The following PTPRT variants were observed in gnomAD, a reference collection of about 807,000 sequenced individuals.
PTPRT encodes protein tyrosine phosphatase receptor type T.
In PTPRT, 56 loss-of-function variants were observed where a neutral mutation model predicts 176.8. That is an observed-to-expected ratio of 0.32 (90% confidence interval 0.26 to 0.40). The LOEUF (loss-of-function observed/expected upper bound fraction) is 0.40. PTPRT is among the 10% of genes least tolerant of loss of function. The pLI is 1.00. For synonymous variants in PTPRT, 783 were observed against 739.0 expected (o/e 1.06, Z -0.96); for missense variants, 1,540 against 1,908.2 (o/e 0.81, Z 3.60).
At chr20:42,706,015 G>A (rs78033626) in intron 6 of PTPRT, among the ~76,000 whole-genome samples, 12,607 of 152,004 alleles carry the variant, frequency 0.083, 585 homozygotes, top group South Asian at 0.16. Context: ...TGGAGATTAG[G>A]GGGTGGGGAA....
chr20:42,355,850 C>T (rs1053105593), intron 9 of PTPRT, among the ~76,000 whole-genome samples: 9 of 152,104 alleles, frequency 5.9e-5, no homozygotes, highest in South Asian at 2.1e-4. Flanking sequence ...TCCTTTCCTG[C>T]GCTCCAAATT....
chr20:42,247,202 C>T (rs2056467166), intron 14 of PTPRT, among the ~76,000 whole-genome samples: 1 of 152,228 alleles, frequency 6.6e-6, no homozygotes, highest in African/African-American at 2.4e-5. Context: ...AAGACATGAT[C>T]CTATTAGACA....
chr20:42,290,452 A>G (rs1319404947), intron 12 of PTPRT, among the ~76,000 whole-genome samples: 1 of 151,936 alleles, frequency 6.6e-6, no homozygotes, highest in African/African-American at 2.4e-5. Context: ...TCTGTGGCTC[A>G]ATTTCCCCAT....
intron 1 of PTPRT, among the ~76,000 whole-genome samples, chr20:43,013,967 CATA>C (rs1353012170): frequency 6.6e-6 from 1 of 152,160 alleles, no homozygotes. Flanking sequence ...TGATACTGAA[CATA>C]ATAAGGCGAG....
intron 27 of PTPRT, among the ~76,000 whole-genome samples, chr20:42,093,115 G>C (rs1007789856): frequency 6.6e-6 from 1 of 152,192 alleles, no homozygotes; most frequent in South Asian, 2.1e-4. Context: ...CCACCCTTTG[G>C]CTGGCATGCA....
At chr20:42,175,575 T>A (rs529552118) in intron 16 of PTPRT, among the ~76,000 whole-genome samples, 4 of 152,270 alleles carry the variant, frequency 2.6e-5, no homozygotes, top group Non-Finnish European at 5.9e-5. Context: ...TCCTGGCAAG[T>A]CTGTATATTA....
chr20:42,348,079 G>A (rs1241369730), intron 11 of PTPRT, among the ~76,000 whole-genome samples: 1 of 152,146 alleles, frequency 6.6e-6, no homozygotes, highest in Non-Finnish European at 1.5e-5. Context: ...TGACCTAGTG[G>A]TCAACTACCT....
intron 22 of PTPRT, among the ~76,000 whole-genome samples, chr20:42,111,676 C>A (rs1481716406): frequency 6.6e-6 from 1 of 152,134 alleles, no homozygotes; most frequent in Non-Finnish European, 1.5e-5. Context: ...GATATAAATC[C>A]CTATATTTTT....
chr20:43,185,002 C>T (rs984561993), intron 1 of PTPRT, among the ~76,000 whole-genome samples: 1 of 152,196 alleles, frequency 6.6e-6, no homozygotes, highest in Non-Finnish European at 1.5e-5. Flanking sequence ...GACACACACA[C>T]TATTGATGAA....
intron 1 of PTPRT, among the ~76,000 whole-genome samples, chr20:43,090,328 CGCCATCTCA>C (rs1031823138): frequency 3.3e-5 from 5 of 150,224 alleles, no homozygotes; most frequent in Non-Finnish European, 5.9e-5. Context: ...AGTGCAGTGG[CGCCATCTCA>C]GCTCACTGCA....
At chr20:42,036,613 C>T in the PTPRT span, among the ~76,000 whole-genome samples, 7 of 152,038 alleles carry the variant, frequency 4.6e-5, no homozygotes, top group Non-Finnish European at 8.8e-5. Flanking sequence ...TGCAGGAATC[C>T]CGAAGAGCAC....
intron 23 of PTPRT, 43 bp from the exon 24 acceptor site, chr20:42,106,964 G>GA (rs1396078437): frequency 9.4e-6 from 15 of 1,600,688 alleles, no homozygotes; most frequent in African/African-American, 1.3e-5. Context: ...TTCATGGGGG[G>GA]AACCTGCCCT....
rs574009704 is a variant in PTPRT at position 42,796,616 on chromosome 20, G to A, written c.215-5150C>T. ...AGCCACAGAAGTGGTTTCCCAGATA[G>A]CTATTTAAGAGGGAAAAGAGCATAT... On this transcript the variant is annotated intron_variant, in intron 2 of 30. Coordinates refer to ENST00000373187, the MANE Select transcript of PTPRT (RefSeq NM_007050.6). Among the ~76,000 whole-genome samples, 11 of 152,368 alleles carry A rather than the reference G, an allele frequency of 7.2e-5. No individual in the cohort carries two copies. The East Asian group carries it at 2.1e-3, about 29-fold the overall frequency.
At chr20:42,100,327 A>T (rs1008750383) in intron 26 of PTPRT, among the ~76,000 whole-genome samples, 3 of 152,200 alleles carry the variant, frequency 2.0e-5, no homozygotes, top group East Asian at 1.9e-4. Context: ...ATCCTTTACC[A>T]GGGGAAACAT....
intron 7 of PTPRT, among the ~76,000 whole-genome samples, chr20:42,568,810 G>A (rs2145678025): frequency 6.6e-6 from 1 of 151,952 alleles, no homozygotes; most frequent in African/African-American, 2.4e-5. Context: ...AGAACTTTGA[G>A]AGGCTGAGGT....
chr20:42,794,873 T>G, intron 2 of PTPRT, among the ~76,000 whole-genome samples: 3 of 103,218 alleles, frequency 2.9e-5, no homozygotes, highest in Non-Finnish European at 3.7e-5. Context: ...GGGTGGGGGG[T>G]GGGATCCAGC....
Position 42,651,190 on chromosome 20 carries a change from T to G in PTPRT, c.1153+26676A>C, listed in dbSNP as rs112073439. 4.2e-3 allele frequency among the ~76,000 whole-genome samples: 645 copies of G among 152,202 alleles called. 6 individuals are homozygous for G. The highest frequency in any genetic ancestry group is 0.015 in the African/African-American group (607 of 41,522). ...TTGTGAGAGAAAAAGATAAATGCCTTTACAGATGGAAAGTCTAAAAATGAT... is the reference window on the plus strand; with the variant it reads ...TTGTGAGAGAAAAAGATAAATGCCTGTACAGATGGAAAGTCTAAAAATGAT... On this transcript the variant is annotated intron_variant, in intron 7 of 30. Coordinates refer to ENST00000373187, the MANE Select transcript of PTPRT (RefSeq NM_007050.6).
chr20:42,962,994 C>T (rs531613296), intron 1 of PTPRT, among the ~76,000 whole-genome samples: 2 of 152,030 alleles, frequency 1.3e-5, no homozygotes, highest in East Asian at 1.9e-4. Flanking sequence ...GTCAGAAGAT[C>T]GAGACCATCC....
At chr20:43,028,298 C>T (rs1985997450) in intron 1 of PTPRT, among the ~76,000 whole-genome samples, 1 of 152,126 alleles carries the variant, frequency 6.6e-6, no homozygotes, top group Non-Finnish European at 1.5e-5. Context: ...CACAAGCACA[C>T]CTACTTGGAG....
Sources: allele counts gnomAD v4.1 joint callset (sites outside exome capture counted in the v4.1 genomes callset), GRCh38; gene constraint gnomAD v4.1.1; transcripts MANE v1.5; gene names NCBI Gene and HGNC (gene_info 2026-07-23, HGNC 2026-07-21).